Variants in SLC35D1 observed in about 807,000 individuals in gnomAD.
SLC35D1 encodes the protein solute carrier family 35 member D1.
In SLC35D1, 31 loss-of-function variants were observed where a neutral mutation model predicts 46.7. The ratio of observed to expected loss-of-function variants is 0.66; its 90% CI spans 0.50 to 0.90. The LOEUF is 0.90. SLC35D1 is among the 40% of genes least tolerant of loss of function. SLC35D1 has a pLI of 0.00. For missense variants in SLC35D1, 397 were observed against 426.2 expected, an observed-to-expected ratio of 0.93 and a Z score of 0.60; for synonymous variants, 195 against 164.6, an observed-to-expected ratio of 1.18 and a Z score of -1.41.
At chr1:67,010,193 G>A (rs1404419197) in intron 10 of SLC35D1, among the ~76,000 whole-genome samples, 3 of 152,104 alleles carry the variant, frequency 2.0e-5, no homozygotes, top group African/African-American at 7.2e-5. Flanking sequence ...TGAGGTGGGA[G>A]GGTAAAAGGG....
chr1:67,015,157 T>C (rs959962051), intron 10 of SLC35D1, among the ~76,000 whole-genome samples: 13 of 110,284 alleles, frequency 1.2e-4, no homozygotes, highest in African/African-American at 4.1e-4. Context: ...AAATGTGTTT[T>C]TGTAAAAAAA....
At chr1:67,007,022 C>T (rs1667464066) in intron 11 of SLC35D1, among the ~76,000 whole-genome samples, 1 of 152,140 alleles carries the variant, frequency 6.6e-6, no homozygotes, top group Non-Finnish European at 1.5e-5. Flanking sequence ...TCTATCTAAG[C>T]TTGTCTGAGG....
chr1:66,996,253 A>G (rs1667237389), downstream of SLC35D1, among the ~76,000 whole-genome samples: 2 of 152,260 alleles, frequency 1.3e-5, no homozygotes, highest in Admixed American at 1.3e-4. Flanking sequence ...GGGCACTTTT[A>G]GCACAGCTGG....
At chr1:67,023,139 G>A (rs1419017293) in intron 8 of SLC35D1, among the ~76,000 whole-genome samples, 1 of 152,020 alleles carries the variant, frequency 6.6e-6, no homozygotes, top group Non-Finnish European at 1.5e-5. Context: ...TGAACCTTCC[G>A]TTACAAGTCT....
In SLC35D1 at chr1:67,013,746, A is replaced by C. The variant is rs1667624236; in HGVS notation, c.877-4579T>G. The stretch of plus-strand genomic sequence containing the variant: ...AATGTGACTTGTGTGTGTGTGAGAG[A>C]TGAGTGGTGAGTCATCACCACGGTA... On this transcript the variant is annotated intron_variant, in intron 10 of 11. Transcript: ENST00000235345. Among the ~76,000 whole-genome samples the C allele has an allele frequency of 2.0e-5, 3 of 152,244 alleles. 1 individual carries two copies. The South Asian group carries it at 6.2e-4, about 32-fold the overall frequency.
chr1:66,997,700 A>AAATTT (rs200141380), downstream of SLC35D1, among the ~76,000 whole-genome samples: 99,330 of 144,690 alleles, frequency 0.69, 35,613 homozygotes, highest in African/African-American at 0.91. Context: ...TTCAAGATCT[A>AAATTT]AAGACATAAA....
intron 8 of SLC35D1, 132 bp from the exon 9 acceptor site, chr1:67,021,734 C>CACACACAA: frequency 1.4e-6 from 1 of 693,290 alleles, no homozygotes; most frequent in African/African-American, 1.8e-5. Flanking sequence ...GACACACACA[C>CACACACAA]ACACACACAC....
At chr1:67,011,149 T>C (rs1439206573) in intron 10 of SLC35D1, among the ~76,000 whole-genome samples, 1 of 152,180 alleles carries the variant, frequency 6.6e-6, no homozygotes, top group African/African-American at 2.4e-5. Context: ...CAAGATAGTA[T>C]ATAAGCTTCT....
intron 7 of SLC35D1, among the ~76,000 whole-genome samples, chr1:67,043,990 C>T (rs1292312674): frequency 1.3e-5 from 2 of 152,266 alleles, no homozygotes; most frequent in Admixed American, 6.5e-5. Flanking sequence ...AGTCGAACTG[C>T]CTTCTCAAAA....
chr1:66,990,229 G>A, the SLC35D1 span, among the ~76,000 whole-genome samples: 1 of 152,080 alleles, frequency 6.6e-6, no homozygotes, highest in East Asian at 1.9e-4. Flanking sequence ...GTAGACAAAT[G>A]TTTGCATTTA....
chr1:67,025,047 C>A (rs1667889826), intron 8 of SLC35D1, among the ~76,000 whole-genome samples: 1 of 152,240 alleles, frequency 6.6e-6, no homozygotes, highest in African/African-American at 2.4e-5. Context: ...CCTGCTGGCC[C>A]TTGATTTCCC....
intron 8 of SLC35D1, among the ~76,000 whole-genome samples, chr1:67,039,084 T>C (rs540358295): frequency 6.6e-6 from 1 of 152,216 alleles, no homozygotes; most frequent in African/African-American, 2.4e-5. Context: ...GCCCCCTTGT[T>C]GGATTCTTGT....
At chr1:67,046,604 T>C (rs1267385275) in intron 7 of SLC35D1, among the ~76,000 whole-genome samples, 1 of 152,212 alleles carries the variant, frequency 6.6e-6, no homozygotes, top group African/African-American at 2.4e-5. Context: ...CACCCTAGGA[T>C]ATATAAAGTT....
At chr1:66,981,635 A>T in the SLC35D1 span, 1 of 602,986 alleles carries the variant, frequency 1.7e-6, no homozygotes, top group South Asian at 3.2e-5. Flanking sequence ...AAATATTCAG[A>T]TCCTGGTATG....
chr1:67,025,980 TAC>T (rs1202215053), intron 8 of SLC35D1, among the ~76,000 whole-genome samples: 3 of 152,202 alleles, frequency 2.0e-5, no homozygotes, highest in African/African-American at 4.8e-5. Context: ...ATGTTTTTAA[TAC>T]ACACAGTTTT....
At chr1:66,991,365 C>T in the SLC35D1 span, among the ~76,000 whole-genome samples, 3 of 152,216 alleles carry the variant, frequency 2.0e-5, no homozygotes, top group South Asian at 2.1e-4. Flanking sequence ...TCAGTGACCA[C>T]ATTGCTAGCC....
chr1:67,036,886 G>A (rs933948814), intron 8 of SLC35D1, among the ~76,000 whole-genome samples: 2 of 151,684 alleles, frequency 1.3e-5, no homozygotes, highest in African/African-American at 4.8e-5. Context: ...CTTCCTTTTA[G>A]TGAAGGTGAT....
At chr1:66,998,414 G>A (rs998574265), downstream of SLC35D1, among the ~76,000 whole-genome samples, 4 of 152,112 alleles carry the variant, frequency 2.6e-5, no homozygotes, top group Admixed American at 6.5e-5. Context: ...GCTTGAACCC[G>A]GGAAGTAGAT....
At chr1:67,016,951 A>C (rs1267599225) in intron 10 of SLC35D1, among the ~76,000 whole-genome samples, 1 of 152,164 alleles carries the variant, frequency 6.6e-6, no homozygotes, top group East Asian at 1.9e-4. Context: ...AAAAAATGTA[A>C]CTTTCTGACA....
Sources: allele counts gnomAD v4.1 joint callset (sites outside exome capture counted in the v4.1 genomes callset), GRCh38; gene constraint gnomAD v4.1.1; transcripts MANE v1.5; gene names NCBI Gene and HGNC (gene_info 2026-07-23, HGNC 2026-07-21).